Variants in AFF4 observed in about 807,000 individuals in gnomAD.
AFF4 encodes AF4/FMR2 family member 4.
In AFF4, 13 loss-of-function variants were observed where a neutral mutation model predicts 124.8. The ratio of observed to expected loss-of-function variants is 0.10; its 90% CI spans 0.07 to 0.17. AFF4 has a LOEUF of 0.17. Ranked by LOEUF, AFF4 falls within the 10% of genes least tolerant of loss-of-function variation. The pLI is 1.00. For synonymous variants in AFF4, 477 were observed against 496.1 expected (o/e 0.96, Z 0.51); for missense variants, 1,092 against 1,403.8 (o/e 0.78, Z 3.55).
intron 5 of AFF4, among the ~76,000 whole-genome samples, chr5:132,912,959 A>G (rs1341305591): frequency 6.6e-6 from 1 of 152,176 alleles, no homozygotes; most frequent in Non-Finnish European, 1.5e-5. Flanking sequence ...ATCACATTAA[A>G]TGTAAGTGGT....
At chr5:132,910,228 ATTGT>A (rs2150081853) in intron 5 of AFF4, among the ~76,000 whole-genome samples, 1 of 152,296 alleles carries the variant, frequency 6.6e-6, no homozygotes, top group African/African-American at 2.4e-5. Context: ...GAGGGATTGA[ATTGT>A]TTTTGTTTTT....
chr5:132,957,029 A>AAG (rs1761978360), intron 1 of AFF4, among the ~76,000 whole-genome samples: 1 of 145,860 alleles, frequency 6.9e-6, no homozygotes, highest in Non-Finnish European at 1.5e-5. Context: ...CAAAAAAAAA[A>AAG]AAAAAAAAAA....
intron 1 of AFF4, among the ~76,000 whole-genome samples, chr5:132,954,010 C>A (rs1761897737): frequency 6.6e-6 from 1 of 152,192 alleles, no homozygotes; most frequent in African/African-American, 2.4e-5. Context: ...CAATATTCTA[C>A]TTGATCTGAC....
intron 5 of AFF4, among the ~76,000 whole-genome samples, chr5:132,915,235 G>A (rs370562775): frequency 5.9e-5 from 9 of 152,130 alleles, no homozygotes; most frequent in East Asian, 1.9e-4. Context: ...CAGCTACTCA[G>A]GAGGCTGAGG....
At chr5:132,937,316 G>C (rs1761455210) in intron 1 of AFF4, 123 bp from the exon 2 acceptor site, 1 of 1,192,384 alleles carries the variant, frequency 8.4e-7, no homozygotes, top group Non-Finnish European at 1.1e-6. Flanking sequence ...GTAATAACAG[G>C]CATTAGTGCT....
intron 4 of AFF4, among the ~76,000 whole-genome samples, chr5:132,928,226 CA>C (rs1042507675): frequency 1.3e-5 from 2 of 149,718 alleles, no homozygotes. Flanking sequence ...TAAAAAAAAA[CA>C]AAAAAACAAA....
intron 5 of AFF4, among the ~76,000 whole-genome samples, chr5:132,926,464 T>C (rs1354216857): frequency 6.6e-6 from 1 of 152,100 alleles, no homozygotes; most frequent in Non-Finnish European, 1.5e-5. Context: ...AACAGGTTCT[T>C]AAAACAACAG....
rs1304145293 is a variant in AFF4 at position 132,941,066 on chromosome 5, G to A, written c.-4-3873C>T. 9.9e-5 allele frequency among the ~76,000 whole-genome samples: 15 copies of A among 151,376 alleles called. 1 individual carries two copies. Among genetic ancestry groups the A allele is most frequent in the Admixed American group, 9.9e-4 (15 of 15,182 alleles). On this transcript the variant is annotated intron_variant, in intron 1 of 20. Coordinates refer to ENST00000265343, the MANE Select transcript of AFF4 (RefSeq NM_014423.4). ...AAGAAAAGAAAAAATTAATATACCA[G>A]TTATAGTGCTTATTCTCTATTTTTT...
Position 132,934,589 on chromosome 5 carries a change from CTATTGTTATATGA to C in AFF4, c.463_475del (p.Ser155ValfsTer32), listed in dbSNP as rs767180643. 6.2e-7 allele frequency: 1 copy of C among 1,614,180 alleles called. No homozygotes were observed. Among genetic ancestry groups the C allele is most frequent in the Admixed American group, 1.7e-5 (1 of 60,020 alleles). ...GCCTTTTTTCCGGCTACTGCTCCCA[CTATTGTTATATGA>C]CTCACGGTCGTGCCTCTGACCACTA... On this transcript the variant is annotated frameshift_variant, in exon 3 of 21. Coordinates refer to ENST00000265343, the MANE Select transcript of AFF4 (RefSeq NM_014423.4). LOFTEE classifies it high-confidence loss of function.
chr5:132,931,499 A>C (rs1335228655), intron 4 of AFF4, among the ~76,000 whole-genome samples: 1 of 152,212 alleles, frequency 6.6e-6, no homozygotes, highest in African/African-American at 2.4e-5. Context: ...GTACAAGATG[A>C]ACCAAAGCAA....
At chr5:132,925,099 C>CA (rs1206974650) in intron 5 of AFF4, among the ~76,000 whole-genome samples, 2 of 151,922 alleles carry the variant, frequency 1.3e-5, no homozygotes, top group Non-Finnish European at 2.9e-5. Flanking sequence ...CGCTTGAACC[C>CA]AAGAGGCAGA....
At position 132,879,365 on chromosome 5, in the gene AFF4, CT is replaced by C. The variant is rs1759915476; in HGVS notation, c.*1693del. Reference sequence around the variant, plus strand: ...AATCATCTACAAATAGTAGGATAATCTTTTTTTCTGACTGAATGGATTCATT... The same window carrying C: ...AATCATCTACAAATAGTAGGATAATCTTTTTTCTGACTGAATGGATTCATT... On this transcript the variant is annotated 3_prime_UTR_variant, in exon 21 of 21. Transcript: ENST00000265343. 1 of 210,568 alleles carries C rather than the reference CT, an allele frequency of 4.7e-6. No homozygotes were observed. Among genetic ancestry groups the C allele is most frequent in the Non-Finnish European group, 9.7e-6 (1 of 103,548 alleles). The allele number at this position is 210,568 out of a possible 1,614,324, so 13.0% of individuals were successfully genotyped here.
At chr5:132,904,522 T>TGA (rs1760626305) in intron 5 of AFF4, 118 bp from the exon 6 acceptor site, 1 of 837,622 alleles carries the variant, frequency 1.2e-6, no homozygotes, top group Non-Finnish European at 1.9e-6. Flanking sequence ...AAGAATGTAA[T>TGA]GATCCTGTCT....
chr5:132,889,535 C>T (rs183410473), intron 13 of AFF4, among the ~76,000 whole-genome samples: 131 of 152,266 alleles, frequency 8.6e-4, no homozygotes, highest in African/African-American at 3.0e-3. Flanking sequence ...ATATTAATAG[C>T]ATCTAATATT....
intron 4 of AFF4, among the ~76,000 whole-genome samples, chr5:132,928,930 T>C (rs910991096): frequency 6.6e-6 from 1 of 152,198 alleles, no homozygotes; most frequent in Non-Finnish European, 1.5e-5. Context: ...AATAATATTA[T>C]GTAATAGATT....
At chr5:132,920,487 C>T (rs1208771031) in intron 5 of AFF4, among the ~76,000 whole-genome samples, 3 of 151,692 alleles carry the variant, frequency 2.0e-5, no homozygotes, top group African/African-American at 7.3e-5. Flanking sequence ...TCCCAAGTAG[C>T]TGGGACTATA....
intron 1 of AFF4, among the ~76,000 whole-genome samples, chr5:132,938,762 T>C (rs1301715164): frequency 2.0e-5 from 3 of 150,722 alleles, no homozygotes; most frequent in Non-Finnish European, 4.4e-5. Context: ...GCTAACACGG[T>C]GAAACCCCGT....
At chr5:132,936,109 T>C (rs1046816175) in intron 2 of AFF4, among the ~76,000 whole-genome samples, 11 of 148,966 alleles carry the variant, frequency 7.4e-5, no homozygotes, top group Middle Eastern at 3.7e-3. Context: ...CTACTAAAAA[T>C]ACAAAAAATT....
intron 1 of AFF4, among the ~76,000 whole-genome samples, chr5:132,940,522 C>G (rs1185376168): frequency 6.6e-6 from 1 of 151,906 alleles, no homozygotes; most frequent in African/African-American, 2.4e-5. Context: ...AAAATAAAAA[C>G]AAAAAATAAA....
Sources: allele counts gnomAD v4.1 joint callset (sites outside exome capture counted in the v4.1 genomes callset), GRCh38; gene constraint gnomAD v4.1.1; transcripts MANE v1.5; gene names NCBI Gene and HGNC (gene_info 2026-07-23, HGNC 2026-07-21).